Variants in DHRSX observed in about 807,000 individuals in gnomAD.
The protein encoded by DHRSX is dehydrogenase/reductase X-linked.
Under a neutral mutation model 34.0 loss-of-function variants are expected in DHRSX, and 31 were observed. The observed-to-expected ratio is 0.91, with a 90% CI of 0.69 to 1.23. DHRSX has a LOEUF of 1.23. Among genes scored for constraint, DHRSX ranks in the 50% most tolerant of loss-of-function variants. The pLI, the probability that DHRSX is intolerant of heterozygous loss-of-function variation, is 0.00. For synonymous variants in DHRSX, 201 were observed against 183.8 expected, an observed-to-expected ratio of 1.09 and a Z score of -0.76; for missense variants, 414 against 428.1, an observed-to-expected ratio of 0.97 and a Z score of 0.29.
chrX:2,481,049 T>A (rs1246080098), intron 1 of DHRSX, among the ~76,000 whole-genome samples: 1 of 152,174 alleles, frequency 6.6e-6, no homozygotes, highest in Non-Finnish European at 1.5e-5. Flanking sequence ...TTAATTAGCT[T>A]GAATGTTAAT....
At chrX:2,237,501 C>T (rs771205022) in intron 6 of DHRSX, among the ~76,000 whole-genome samples, 1 of 151,486 alleles carries the variant, frequency 6.6e-6, no homozygotes, top group East Asian at 1.9e-4. Flanking sequence ...TTTACAATAG[C>T]TTTCTATTTT....
chrX:2,230,950 CAG>C (rs1200456427), intron 6 of DHRSX, among the ~76,000 whole-genome samples: 1 of 152,138 alleles, frequency 6.6e-6, no homozygotes, highest in East Asian at 1.9e-4. Context: ...GTCTCAATGG[CAG>C]AGAGTCTGGG....
At chrX:2,425,527 C>G (rs952903925) in intron 1 of DHRSX, among the ~76,000 whole-genome samples, 4 of 152,166 alleles carry the variant, frequency 2.6e-5, no homozygotes, top group African/African-American at 9.7e-5. Flanking sequence ...GATAAATCCC[C>G]TGTCATCCCC....
intron 3 of DHRSX, among the ~76,000 whole-genome samples, chrX:2,368,678 C>T (rs1174416741): frequency 1.3e-5 from 2 of 152,074 alleles, no homozygotes; most frequent in Admixed American, 6.6e-5. Flanking sequence ...GTCAAAACCC[C>T]GTCTCTACTA....
intron 1 of DHRSX, chrX:2,490,366 G>A (rs138462497): frequency 1.5e-4 from 243 of 1,613,414 alleles, no homozygotes; most frequent in Non-Finnish European, 1.9e-4. Context: ...TCTTGCTGTC[G>A]TAGCCGTGGC....
intron 1 of DHRSX, among the ~76,000 whole-genome samples, chrX:2,485,658 ATG>A (rs747582128): frequency 3.7e-4 from 16 of 43,698 alleles, no homozygotes; most frequent in African/African-American, 1.1e-3. Context: ...GGAGGGAGGG[ATG>A]GGGGAAGGAG....
At chrX:2,497,724 T>C (rs949731493) in intron 1 of DHRSX, among the ~76,000 whole-genome samples, 2 of 152,210 alleles carry the variant, frequency 1.3e-5, no homozygotes, top group African/African-American at 4.8e-5. Flanking sequence ...ACAGGTACCA[T>C]CAATTTTCTC....
chrX:2,433,753 G>C (rs111746892), intron 1 of DHRSX, among the ~76,000 whole-genome samples: 4,890 of 152,068 alleles, frequency 0.032, 122 homozygotes, highest in Non-Finnish European at 0.044. Flanking sequence ...TTATGGCTGC[G>C]TAGTATTCCA....
intron 3 of DHRSX, among the ~76,000 whole-genome samples, chrX:2,376,995 C>CAAAA (rs368026648): frequency 6.9e-6 from 1 of 144,468 alleles, no homozygotes; most frequent in Non-Finnish European, 1.5e-5. Flanking sequence ...AACTCTATCT[C>CAAAA]AAAAAAAAAA....
At chrX:2,242,973 T>C in intron 6 of DHRSX, 50 bp downstream of exon 6, 1 of 1,577,786 alleles carries the variant, frequency 6.3e-7, no homozygotes, top group Non-Finnish European at 8.7e-7. Flanking sequence ...CCCCCTTTCC[T>C]GTAGCATCTT....
intron 4 of DHRSX, 137 bp downstream of exon 4, chrX:2,291,365 T>C: frequency 1.4e-6 from 1 of 703,024 alleles, no homozygotes; most frequent in Non-Finnish European, 2.5e-6. Flanking sequence ...AATGAAGCAC[T>C]GACTAGAAAT....
At position 2,395,959 on chromosome X, in the gene DHRSX, G is replaced by C. The variant is rs150622619; in HGVS notation, c.286+12786C>G. Reference sequence around the variant, plus strand: ...ACACCTGGGGAACTTAATTCAACAGGAATTCATCCTCTACTGGCTCTGGAG... The same window carrying C: ...ACACCTGGGGAACTTAATTCAACAGCAATTCATCCTCTACTGGCTCTGGAG... On this transcript the variant is annotated intron_variant, in intron 3 of 6. Transcript: ENST00000334651. 2.3e-3 allele frequency among the ~76,000 whole-genome samples: 345 copies of C among 152,200 alleles called. 6 individuals are homozygous for C. The East Asian group carries it at 0.055, about 24-fold the overall frequency.
intron 4 of DHRSX, among the ~76,000 whole-genome samples, chrX:2,289,546 C>A (rs1256002502): frequency 6.6e-6 from 1 of 152,194 alleles, no homozygotes; most frequent in East Asian, 1.9e-4. Flanking sequence ...GGCACCATGT[C>A]ATGTATGTAT....
rs1193010150 is a variant in DHRSX at position 2,433,640 on chromosome X, T to C, written c.110-8336A>G. On this transcript the variant is annotated intron_variant, in intron 1 of 6. Coordinates refer to ENST00000334651, the MANE Select transcript of DHRSX (RefSeq NM_145177.3). ...TCACTGTTCAGCTCCTACTTGTAAG[T>C]GAGAACATGTGGTGTTTGGTTTTCT... Among the ~76,000 whole-genome samples the C allele has an allele frequency of 2.4e-4, 37 of 152,242 alleles. No homozygotes were observed. In the East Asian group the frequency reaches 6.8e-3, roughly 28 times the overall value.
chrX:2,405,182 C>G (rs1360211475), intron 3 of DHRSX, among the ~76,000 whole-genome samples: 1 of 152,138 alleles, frequency 6.6e-6, no homozygotes, highest in Non-Finnish European at 1.5e-5. Flanking sequence ...GTTCATTTCA[C>G]TCTCATGGCT....
intron 3 of DHRSX, among the ~76,000 whole-genome samples, chrX:2,381,995 G>A (rs1180628022): frequency 6.6e-6 from 1 of 152,100 alleles, no homozygotes; most frequent in East Asian, 1.9e-4. Context: ...TGCTGTATGG[G>A]GGGCCATGGC....
At chrX:2,255,728 T>C (rs2041267729) in intron 5 of DHRSX, among the ~76,000 whole-genome samples, 1 of 151,170 alleles carries the variant, frequency 6.6e-6, no homozygotes, top group Admixed American at 6.6e-5. Context: ...CTGACCAACA[T>C]GGTGAAAACC....
At chrX:2,418,339 G>A (rs1341799027) in intron 2 of DHRSX, among the ~76,000 whole-genome samples, 1 of 151,806 alleles carries the variant, frequency 6.6e-6, no homozygotes, top group Non-Finnish European at 1.5e-5. Context: ...ACTTCATCAT[G>A]ACCAAACCAA....
intron 3 of DHRSX, among the ~76,000 whole-genome samples, chrX:2,401,602 T>A (rs2043486720): frequency 6.6e-6 from 1 of 152,160 alleles, no homozygotes; most frequent in Admixed American, 6.5e-5. Flanking sequence ...CTGCCTTCAG[T>A]GCTTTTAAGA....
Sources: allele counts gnomAD v4.1 joint callset (sites outside exome capture counted in the v4.1 genomes callset), GRCh38; gene constraint gnomAD v4.1.1; transcripts MANE v1.5; gene names NCBI Gene and HGNC (gene_info 2026-07-23, HGNC 2026-07-21).